The following OLAH variants were observed in gnomAD, a reference collection of about 807,000 sequenced individuals.
OLAH encodes S-acyl fatty acid synthase thioesterase, medium chain.
OLAH carries 33 observed loss-of-function variants against 27.8 expected under a neutral mutation model. The ratio of observed to expected loss-of-function variants is 1.19; its 90% CI spans 0.90 to 1.59. The LOEUF is 1.59. OLAH is among the 40% of genes most tolerant of loss of function. The probability of loss-of-function intolerance (pLI) is 0.00; values close to 1 mark genes in which losing one functional copy is unlikely to be tolerated. For synonymous variants in OLAH, 120 were observed against 102.9 expected (o/e 1.17, Z -1.01); for missense variants, 359 against 310.8 (o/e 1.16, Z -1.17).
chr10:15,032,692 A>G (rs1020457845), intron 1 of OLAH, among the ~76,000 whole-genome samples: 2 of 151,786 alleles, frequency 1.3e-5, no homozygotes, highest in African/African-American at 4.8e-5. Flanking sequence ...TGCTACATGC[A>G]TTAAGTTTCT....
intron 4 of OLAH, among the ~76,000 whole-genome samples, chr10:15,063,693 A>T (rs948698652): frequency 2.6e-5 from 4 of 152,232 alleles, no homozygotes; most frequent in African/African-American, 9.6e-5. Flanking sequence ...TATTTATCAT[A>T]CTGAAAGGAA....
At chr10:15,067,976 G>C (rs2131377078) in intron 6 of OLAH, 1 of 152,310 alleles carries the variant, frequency 6.6e-6, no homozygotes, top group Non-Finnish European at 1.5e-5. Context: ...ACATACACTA[G>C]GGTGTTTCAT....
At chr10:15,035,493 A>G (rs1445954203) in intron 1 of OLAH, among the ~76,000 whole-genome samples, 1 of 152,112 alleles carries the variant, frequency 6.6e-6, no homozygotes, top group African/African-American at 2.4e-5. Context: ...CAAAAGAGAA[A>G]GCTGGATGGG....
At chr10:15,056,868 C>T (rs766328339) in intron 3 of OLAH, 157 of 1,528,266 alleles carry the variant, frequency 1.0e-4, no homozygotes, top group Non-Finnish European at 1.3e-4. Flanking sequence ...CAAACTCCGG[C>T]GCTCAAGTGA....
In OLAH at chr10:15,073,218, T is replaced by C; in HGVS notation, c.787T>C (p.Ser263Pro). 1 of 1,581,388 alleles carries C rather than the reference T, an allele frequency of 6.3e-7. No homozygotes were observed. The highest frequency in any genetic ancestry group is 2.2e-5 in the East Asian group (1 of 44,694). The change falls in exon 8 of 8, where the codon TCC becomes CCC. Residue 263 changes from serine to proline, a missense_variant. Physicochemically the swap from Ser to Pro is moderately conservative, Grantham distance 74. Transcript: ENST00000378228. ...CAAGTGTCTAGAAGTATCATCGATA[T>C]CCAATTTTTAGATATTTTCCCTTTC... ...IIKCLEVSSI[S>P]NF
intron 5 of OLAH, 126 bp downstream of exon 5, chr10:15,064,628 A>G: frequency 1.7e-6 from 1 of 583,492 alleles, no homozygotes; most frequent in Non-Finnish European, 2.9e-6. Flanking sequence ...GGATACTAAT[A>G]GGTTGGTGCA....
intron 3 of OLAH, among the ~76,000 whole-genome samples, chr10:15,055,719 C>A (rs1047190030): frequency 1.3e-5 from 2 of 152,142 alleles, no homozygotes; most frequent in Non-Finnish European, 2.9e-5. Flanking sequence ...ATAAACTTAA[C>A]CGTGTCCACT....
chr10:15,046,131 A>G (rs923330352), intron 1 of OLAH, among the ~76,000 whole-genome samples: 4 of 152,028 alleles, frequency 2.6e-5, no homozygotes, highest in African/African-American at 9.7e-5. Context: ...GGATCACTTG[A>G]GGTCAGGAGT....
At chr10:15,050,539 A>T (rs1589241715) in intron 3 of OLAH, among the ~76,000 whole-genome samples, 8 of 109,048 alleles carry the variant, frequency 7.3e-5, no homozygotes, top group African/African-American at 1.5e-4. Context: ...AAGTGCTAGG[A>T]TTTTTTTTTT....
upstream of OLAH, among the ~76,000 whole-genome samples, chr10:15,042,384 C>T (rs1173618132): frequency 2.0e-5 from 3 of 152,204 alleles, no homozygotes; most frequent in African/African-American, 7.2e-5. Context: ...AACTCCTGAC[C>T]TCAGGCAATC....
At chr10:15,054,302 A>G (rs1844204373) in intron 3 of OLAH, among the ~76,000 whole-genome samples, 1 of 152,054 alleles carries the variant, frequency 6.6e-6, no homozygotes, top group African/African-American at 2.4e-5. Flanking sequence ...TGGCCTCCCA[A>G]AGTTCTGGGA....
In OLAH at chr10:15,056,791, C is replaced by T. The variant is rs184596420; in HGVS notation, c.164-4933C>T. Reference sequence around the variant, plus strand: ...GACTACAGGCATACACCACTATGCTCGGCTAATTTTATTTTATTTTATTTT... The same window carrying T: ...GACTACAGGCATACACCACTATGCTTGGCTAATTTTATTTTATTTTATTTT... On this transcript the variant is annotated intron_variant, in intron 3 of 7. Transcript: ENST00000378228. 2,535 of 1,432,742 alleles carry T rather than the reference C, an allele frequency of 1.8e-3. 4 individuals carry two copies. Among genetic ancestry groups the T allele is most frequent in the Non-Finnish European group, 2.1e-3 (2,308 of 1,091,320 alleles). The allele number at this position is 1,432,742 out of a possible 1,614,324, so 88.8% of individuals were successfully genotyped here.
At chr10:15,062,181 A>C in intron 4 of OLAH, 1 of 187,652 alleles carries the variant, frequency 5.3e-6, no homozygotes, top group Non-Finnish European at 1.1e-5. Flanking sequence ...TCTGAGGTTA[A>C]GTCAGAGACC....
At chr10:15,036,545 G>C (rs1452518749) in intron 1 of OLAH, among the ~76,000 whole-genome samples, 2 of 152,106 alleles carry the variant, frequency 1.3e-5, no homozygotes, top group African/African-American at 4.8e-5. Context: ...CTGGAGTGCA[G>C]TGCCACAACC....
At chr10:15,050,955 C>T (rs1844126720) in intron 3 of OLAH, among the ~76,000 whole-genome samples, 1 of 151,884 alleles carries the variant, frequency 6.6e-6, no homozygotes, top group African/African-American at 2.4e-5. Context: ...CCTTATTAGC[C>T]ATAGTTTTTT....
At chr10:15,044,794 T>C (rs1017800465) in intron 1 of OLAH, among the ~76,000 whole-genome samples, 1 of 152,186 alleles carries the variant, frequency 6.6e-6, no homozygotes, top group Non-Finnish European at 1.5e-5. Flanking sequence ...TTGCTGTGAG[T>C]CCATCCCCAC....
At chr10:15,066,240 CAAAAA>C (rs201236007) in intron 6 of OLAH, among the ~76,000 whole-genome samples, 1 of 92,866 alleles carries the variant, frequency 1.1e-5, no homozygotes, top group African/African-American at 3.6e-5. Context: ...GACTCCATCT[CAAAAA>C]AAAAAAAAAA....
upstream of OLAH, among the ~76,000 whole-genome samples, chr10:15,041,287 T>TA (rs1564525313): frequency 1.2e-5 from 1 of 80,300 alleles, no homozygotes; most frequent in Non-Finnish European, 3.1e-5. Flanking sequence ...TTTATTTTTA[T>TA]TTTTTTTGAG....
At chr10:15,056,492 T>A (rs1733886427) in intron 3 of OLAH, among the ~76,000 whole-genome samples, 4 of 152,238 alleles carry the variant, frequency 2.6e-5, no homozygotes, top group Admixed American at 2.6e-4. Flanking sequence ...GTGCATGAAA[T>A]TATTCTAACT....
Sources: gnomAD v4.1 joint callset for allele counts (sites outside exome capture counted in the v4.1 genomes callset) on GRCh38, gnomAD v4.1.1 for gene constraint, MANE v1.5 for transcripts, NCBI Gene and HGNC (gene_info 2026-07-23, HGNC 2026-07-21) for gene names.